ASPRV1: variants seen among roughly 807,000 people sequenced by gnomAD.
ASPRV1 encodes retroviral-like aspartic protease 1.
In ASPRV1, 7 loss-of-function variants were observed where a neutral mutation model predicts 11.0. The observed-to-expected ratio is 0.64, with a 90% confidence interval of 0.36 to 1.20. ASPRV1 has a LOEUF of 1.20. Among genes scored for constraint, ASPRV1 ranks in the 50% most tolerant of loss-of-function variants. The pLI is 0.02. For synonymous variants in ASPRV1, 136 were observed against 138.4 expected (o/e 0.98, Z 0.12); for missense variants, 299 against 320.0 (o/e 0.93, Z 0.50).
chr2:70,076,413 A>C, the ASPRV1 span, among the ~76,000 whole-genome samples: 1 of 152,202 alleles, frequency 6.6e-6, no homozygotes, highest in Non-Finnish European at 1.5e-5. Flanking sequence ...CAACTATTTT[A>C]ATTTTTATGA....
At chr2:70,028,823 T>A in the ASPRV1 span, among the ~76,000 whole-genome samples, 1 of 152,090 alleles carries the variant, frequency 6.6e-6, no homozygotes, top group South Asian at 2.1e-4. Flanking sequence ...GAGCCTGTAG[T>A]CCCAGCTACT....
the ASPRV1 span, among the ~76,000 whole-genome samples, chr2:70,012,731 G>A: frequency 9.1e-4 from 139 of 152,200 alleles, no homozygotes; most frequent in African/African-American, 3.2e-3. Context: ...TTAATACTCT[G>A]TACACAAAGC....
the ASPRV1 span, among the ~76,000 whole-genome samples, chr2:70,065,384 C>A: frequency 8.6e-6 from 1 of 116,782 alleles, no homozygotes; most frequent in Admixed American, 1.0e-4. Context: ...GTGCAAGACA[C>A]CATCTCAAAA....
chr2:70,044,352 C>G, the ASPRV1 span, among the ~76,000 whole-genome samples: 1 of 152,204 alleles, frequency 6.6e-6, no homozygotes, highest in Admixed American at 6.5e-5. Flanking sequence ...TCACCTGACA[C>G]CTTCAAGCCA....
chr2:69,937,284 A>G, the ASPRV1 span: 8 of 1,614,228 alleles, frequency 5.0e-6, no homozygotes, highest in East Asian at 8.9e-5. Flanking sequence ...GACCAGCTTC[A>G]GCGAGAGCAG....
At chr2:69,979,272 A>G in the ASPRV1 span, among the ~76,000 whole-genome samples, 1 of 152,090 alleles carries the variant, frequency 6.6e-6, no homozygotes, top group Non-Finnish European at 1.5e-5. Context: ...TGACCTCATG[A>G]TCCACCCGCC....
chr2:69,949,774 A>G, the ASPRV1 span, among the ~76,000 whole-genome samples: 1,629 of 152,058 alleles, frequency 0.011, 22 homozygotes, highest in African/African-American at 0.037. Context: ...CATTCTGTTC[A>G]TTTTTAATGT....
the ASPRV1 span, among the ~76,000 whole-genome samples, chr2:70,033,276 AACACACACACACACACACAC>A: frequency 1.3e-4 from 18 of 141,512 alleles, no homozygotes; most frequent in African/African-American, 4.5e-4. Context: ...TCAAACAGAA[AACACACACACACACACACAC>A]ACACACACAC....
At chr2:69,961,643 T>A (rs1489084827), upstream of ASPRV1, 1 of 1,583,130 alleles carries the variant, frequency 6.3e-7, no homozygotes, top group African/African-American at 1.3e-5. Flanking sequence ...GCCTGTTCAC[T>A]CTGCAGAGCC....
At chr2:70,078,387 T>C in the ASPRV1 span, among the ~76,000 whole-genome samples, 14 of 152,226 alleles carry the variant, frequency 9.2e-5, no homozygotes, top group South Asian at 2.1e-4. Context: ...AATGAATGAA[T>C]AAACAATATG....
the ASPRV1 span, among the ~76,000 whole-genome samples, chr2:69,948,958 C>A: frequency 1.8e-4 from 28 of 152,178 alleles, no homozygotes; most frequent in Non-Finnish European, 1.2e-4. Context: ...CCGCTCCCCC[C>A]GGCACCTCGC....
the ASPRV1 span, among the ~76,000 whole-genome samples, chr2:70,079,321 T>A: frequency 3.8e-4 from 57 of 150,900 alleles, no homozygotes; most frequent in African/African-American, 1.3e-3. Flanking sequence ...AAAAAAAAAA[T>A]AATAAATTAG....
At chr2:69,945,024 A>T in the ASPRV1 span, among the ~76,000 whole-genome samples, 1 of 152,190 alleles carries the variant, frequency 6.6e-6, no homozygotes, top group South Asian at 2.1e-4. Context: ...ACTATGACCT[A>T]GATGAGGAGG....
upstream of ASPRV1, chr2:69,961,950 A>G: frequency 2.4e-6 from 1 of 408,434 alleles, no homozygotes; most frequent in East Asian, 3.8e-5. Flanking sequence ...AAGGGGAGGC[A>G]GGGACCAGAC....
chr2:70,016,294 A>G, the ASPRV1 span: 1 of 152,212 alleles, frequency 6.6e-6, no homozygotes, highest in Non-Finnish European at 1.5e-5. Flanking sequence ...AAATTGAACA[A>G]CATGCTCGTG....
chr2:70,079,317 A>T, the ASPRV1 span, among the ~76,000 whole-genome samples: 13 of 152,258 alleles, frequency 8.5e-5, no homozygotes, highest in East Asian at 7.7e-4. Flanking sequence ...TACAAAAAAA[A>T]AAATAATAAA....
At chr2:70,062,595 T>G in the ASPRV1 span, among the ~76,000 whole-genome samples, 1 of 152,160 alleles carries the variant, frequency 6.6e-6, no homozygotes, top group South Asian at 2.1e-4. Flanking sequence ...TAGAGTACTA[T>G]GTAAAGCCAG....
the ASPRV1 span, chr2:69,938,009 A>G: frequency 2.3e-6 from 3 of 1,302,448 alleles, no homozygotes; most frequent in East Asian, 2.4e-5. Context: ...TGCCTCCCAA[A>G]GTGCTGGGAT....
At chr2:69,986,719 G>A in the ASPRV1 span, among the ~76,000 whole-genome samples, 4 of 152,186 alleles carry the variant, frequency 2.6e-5, no homozygotes, top group Non-Finnish European at 1.5e-5. Context: ...GGCCCTAACT[G>A]CTGCCCTGCT....
Sources: allele counts gnomAD v4.1 joint callset (sites outside exome capture counted in the v4.1 genomes callset), GRCh38; gene constraint gnomAD v4.1.1; transcripts MANE v1.5; gene names NCBI Gene and HGNC (gene_info 2026-07-23, HGNC 2026-07-21).